Variants in RGSL1 observed in about 807,000 individuals in gnomAD.
RGSL1 encodes regulator of G protein signaling like 1.
Under a neutral mutation model 124.7 loss-of-function variants are expected in RGSL1, and 97 were observed. That is an observed-to-expected ratio of 0.78 (90% CI 0.66 to 0.92). RGSL1 has a LOEUF of 0.92. RGSL1 is among the 40% of genes least tolerant of loss of function. The pLI is 0.00. For synonymous variants in RGSL1, 424 were observed against 438.1 expected (o/e 0.97, Z 0.40); for missense variants, 1,233 against 1,288.4 (o/e 0.96, Z 0.66).
intron 1 of RGSL1, among the ~76,000 whole-genome samples, chr1:182,450,951 A>G (rs1157320533): frequency 1.3e-5 from 2 of 152,182 alleles, no homozygotes; most frequent in African/African-American, 2.4e-5. Flanking sequence ...GTTCAAGACC[A>G]GCCTGGCCAA....
At chr1:182,552,004 G>C (rs553243042) in intron 18 of RGSL1, among the ~76,000 whole-genome samples, 4 of 152,218 alleles carry the variant, frequency 2.6e-5, no homozygotes, top group African/African-American at 9.6e-5. Flanking sequence ...TCTGCCATTT[G>C]GTTTGTGTAA....
At chr1:182,488,023 G>T (rs1028139874) in intron 6 of RGSL1, among the ~76,000 whole-genome samples, 1 of 152,186 alleles carries the variant, frequency 6.6e-6, no homozygotes, top group Admixed American at 6.5e-5. Flanking sequence ...TAATGGTTCT[G>T]TAAATTATTT....
chr1:182,554,558 TG>T, intron 19 of RGSL1, 68 bp from the exon 20 acceptor site: 1 of 1,376,804 alleles, frequency 7.3e-7, no homozygotes, highest in Non-Finnish European at 1.0e-6. Context: ...TCCTCCAGGG[TG>T]GAGGCCTTTC....
intron 9 of RGSL1, among the ~76,000 whole-genome samples, chr1:182,512,482 C>T (rs1409139253): frequency 2.0e-5 from 3 of 152,162 alleles, no homozygotes. Context: ...GCTCAAACCC[C>T]TTATGGGAGG....
intron 9 of RGSL1, among the ~76,000 whole-genome samples, chr1:182,506,682 A>G (rs905921467): frequency 6.6e-6 from 1 of 152,144 alleles, no homozygotes; most frequent in African/African-American, 2.4e-5. Context: ...TTTAGTAAGC[A>G]TATTTAGTCC....
chr1:182,548,635 C>A, intron 16 of RGSL1, 65 bp from the exon 17 acceptor site: 1 of 1,540,228 alleles, frequency 6.5e-7, no homozygotes. Context: ...GTTCTGGGGG[C>A]CAGGAGAGGT....
At chr1:182,458,719 C>T (rs756435672) in intron 3 of RGSL1, among the ~76,000 whole-genome samples, 3 of 152,072 alleles carry the variant, frequency 2.0e-5, no homozygotes, top group Non-Finnish European at 2.9e-5. Context: ...GCAATTCACC[C>T]GCCTCGGCCT....
intron 6 of RGSL1, among the ~76,000 whole-genome samples, chr1:182,477,114 A>T (rs1336133222): frequency 6.6e-6 from 1 of 152,156 alleles, no homozygotes; most frequent in African/African-American, 2.4e-5. Context: ...GTGCCTTTTG[A>T]TGAGCTTTGG....
intron 9 of RGSL1, among the ~76,000 whole-genome samples, chr1:182,511,969 G>A (rs1272738000): frequency 2.6e-5 from 4 of 151,914 alleles, no homozygotes; most frequent in Admixed American, 1.3e-4. Context: ...TGGTTAAATT[G>A]ATTCCTATAT....
chr1:182,476,049 T>C (rs1654266101), intron 6 of RGSL1, among the ~76,000 whole-genome samples: 1 of 152,200 alleles, frequency 6.6e-6, no homozygotes, highest in African/African-American at 2.4e-5. Flanking sequence ...AGGATCAGAA[T>C]CCTGGAGTTT....
intron 6 of RGSL1, among the ~76,000 whole-genome samples, chr1:182,477,988 G>A (rs1267685100): frequency 6.6e-6 from 1 of 152,114 alleles, no homozygotes; most frequent in Non-Finnish European, 1.5e-5. Flanking sequence ...TAAAGAAATG[G>A]AGATCCATAA....
chr1:182,474,080 A>T lies in RGSL1; in HGVS notation c.969A>T (p.Lys323Asn). 6.4e-7 allele frequency: 1 copy of T among 1,551,788 alleles called. No homozygotes were observed. The highest frequency in any genetic ancestry group is 8.7e-7 in the Non-Finnish European group (1 of 1,147,006). ...HYAKISSMENKAKSHLHMEAP... is the reference protein window; with the variant it reads ...HYAKISSMENNAKSHLHMEAP... Reference sequence around the variant, plus strand: ...CAAAAATATCCAGCATGGAGAATAAAGCCAAGAGCCACCTCCACATGGAAG... The same window carrying T: ...CAAAAATATCCAGCATGGAGAATAATGCCAAGAGCCACCTCCACATGGAAG... The change falls in exon 6 of 22, where the codon AAA becomes AAT. Residue 323 changes from lysine to asparagine, a missense_variant. Transcript: ENST00000294854.
Position 182,450,328 on chromosome 1 carries a change from CCTT to C in RGSL1, c.13+155_13+157del, listed in dbSNP as rs1348965743. 23 of 816,898 alleles carry C rather than the reference CCTT, an allele frequency of 2.8e-5. No individual in the cohort carries two copies. The Middle Eastern group carries it at 1.8e-3, about 62-fold the overall frequency. 50.6% of individuals were successfully genotyped at this position (816,898 alleles called of 1,614,324 possible). A position where few individuals can be genotyped will look rare whatever the true frequency, so the allele number is the denominator to read the frequency against. ...ATGCCTTTGTTTTCCTTCTCTTTCTCCTTCTTCCCCTTCCTCCTACCTTCTGCC... is the reference window on the plus strand; with the variant it reads ...ATGCCTTTGTTTTCCTTCTCTTTCTCCTTCCCCTTCCTCCTACCTTCTGCC... On this transcript the variant is annotated intron_variant, in intron 1 of 21. Coordinates refer to ENST00000294854, the MANE Select transcript of RGSL1 (RefSeq NM_001137669.2).
At chr1:182,515,458 C>T (rs1205566925) in intron 9 of RGSL1, among the ~76,000 whole-genome samples, 2 of 146,414 alleles carry the variant, frequency 1.4e-5, no homozygotes, top group African/African-American at 5.1e-5. Flanking sequence ...GGCGAATTTG[C>T]AGTTACTAGC....
chr1:182,508,669 TTTG>T (rs1284105557), intron 9 of RGSL1, among the ~76,000 whole-genome samples: 1 of 6,794 alleles, frequency 1.5e-4, no homozygotes, highest in East Asian at 1.4e-3. Flanking sequence ...CTATTGACTA[TTTG>T]TTTTTTTTTT....
intron 15 of RGSL1, among the ~76,000 whole-genome samples, chr1:182,543,892 T>G (rs2102308513): frequency 6.6e-6 from 1 of 152,202 alleles, no homozygotes; most frequent in South Asian, 2.1e-4. Flanking sequence ...TTGGGTCTTC[T>G]CTCTGCCTTT....
chr1:182,471,152 T>G, intron 4 of RGSL1: 1 of 398,120 alleles, frequency 2.5e-6, no homozygotes, highest in South Asian at 1.9e-5. Context: ...ATCTGGACCC[T>G]GCTCATCTAA....
intron 12 of RGSL1, 72 bp from the exon 13 acceptor site, chr1:182,530,718 G>T: frequency 6.3e-6 from 9 of 1,437,792 alleles, no homozygotes; most frequent in Non-Finnish European, 8.2e-6. Flanking sequence ...GCTGAGGTAG[G>T]TTTGCCTGGA....
intron 9 of RGSL1, among the ~76,000 whole-genome samples, chr1:182,497,131 T>C (rs1240971273): frequency 6.6e-6 from 1 of 151,940 alleles, no homozygotes; most frequent in Non-Finnish European, 1.5e-5. Context: ...AAAGTTAATA[T>C]AATAATGGCA....
Sources: allele counts gnomAD v4.1 joint callset (sites outside exome capture counted in the v4.1 genomes callset), GRCh38; gene constraint gnomAD v4.1.1; transcripts MANE v1.5; gene names NCBI Gene and HGNC (gene_info 2026-07-23, HGNC 2026-07-21).